Variants in MAOB observed in about 807,000 individuals in gnomAD.
MAOB encodes the protein amine oxidase [flavin-containing] B.
Under a neutral mutation model 41.9 loss-of-function variants are expected in MAOB, and 15 were observed. The ratio of observed to expected loss-of-function variants is 0.36; its 90% CI spans 0.24 to 0.55. The LOEUF (loss-of-function observed/expected upper bound fraction) is 0.55, where lower values mean the gene tolerates loss of function less well. Among genes scored for constraint, MAOB ranks in the 20% least tolerant of loss-of-function variants. The pLI, the probability that MAOB is intolerant of heterozygous loss-of-function variation, is 0.86. For synonymous variants in MAOB, 167 were observed against 144.2 expected, an observed-to-expected ratio of 1.16 and a Z score of -1.13; for missense variants, 345 against 398.7, an observed-to-expected ratio of 0.87 and a Z score of 1.15.
intron 3 of MAOB, among the ~76,000 whole-genome samples, chrX:43,833,850 T>C (rs2035044172): frequency 8.9e-6 from 1 of 111,837 alleles, no homozygotes; most frequent in African/African-American, 3.3e-5. Flanking sequence ...ATATCCTAAA[T>C]GTTGTTCCAA....
intron 1 of MAOB, among the ~76,000 whole-genome samples, chrX:43,880,205 A>C (rs1039431556): frequency 1.8e-5 from 2 of 112,195 alleles, no homozygotes; most frequent in African/African-American, 6.5e-5. Flanking sequence ...CAGGAAGTAA[A>C]TGTTCATTGA....
At chrX:43,782,533 C>T (rs1017977192) in intron 8 of MAOB, among the ~76,000 whole-genome samples, 23 of 111,404 alleles carry the variant, frequency 2.1e-4, no homozygotes, top group Admixed American at 1.5e-3. Flanking sequence ...CAAGACCAGA[C>T]GGATTCACAG....
chrX:43,795,464 A>G (rs2034516180), intron 7 of MAOB, among the ~76,000 whole-genome samples: 2 of 110,998 alleles, frequency 1.8e-5, no homozygotes, highest in Admixed American at 1.9e-4. Context: ...TGTAGGCACA[A>G]TTGATTAAAT....
At chrX:43,801,820 A>G (rs1196187075) in intron 5 of MAOB, among the ~76,000 whole-genome samples, 1 of 112,917 alleles carries the variant, frequency 8.9e-6, no homozygotes, top group Non-Finnish European at 1.9e-5. Context: ...TCCACATTTG[A>G]CCACCAGTGA....
chrX:43,791,960 T>C (rs1020652050), intron 8 of MAOB, among the ~76,000 whole-genome samples: 5 of 111,791 alleles, frequency 4.5e-5, no homozygotes, highest in Non-Finnish European at 9.4e-5. Context: ...TTGTTGAATA[T>C]GTGCAAGTGA....
chrX:43,843,639 A>G, intron 2 of MAOB, 31 bp downstream of exon 2: 1 of 1,189,029 alleles, frequency 8.4e-7, no homozygotes, highest in Non-Finnish European at 1.1e-6. Context: ...CTTCAGTCCC[A>G]CATTTGTCCT....
intron 3 of MAOB, among the ~76,000 whole-genome samples, chrX:43,811,124 TAGTG>T (rs2034741396): frequency 8.9e-6 from 1 of 111,972 alleles, no homozygotes; most frequent in South Asian, 3.8e-4. Context: ...AATTGTCACC[TAGTG>T]AGTGAGTGAG....
intron 3 of MAOB, among the ~76,000 whole-genome samples, chrX:43,810,648 C>T (rs944224120): frequency 9.0e-6 from 1 of 111,550 alleles, no homozygotes; most frequent in Non-Finnish European, 1.9e-5. Context: ...ACTAGAATCT[C>T]ATTAGAAGGA....
chrX:43,820,863 T>C (rs1388386241), intron 3 of MAOB, among the ~76,000 whole-genome samples: 2 of 112,589 alleles, frequency 1.8e-5, no homozygotes, highest in African/African-American at 6.4e-5. Context: ...CCCTACACTT[T>C]TCTTTCCACA....
At chrX:43,777,172 C>T (rs1312174970) in intron 11 of MAOB, among the ~76,000 whole-genome samples, 1 of 111,485 alleles carries the variant, frequency 9.0e-6, no homozygotes, top group East Asian at 2.8e-4. Flanking sequence ...CTAGAAATAT[C>T]ATTTGACCCA....
intron 5 of MAOB, among the ~76,000 whole-genome samples, chrX:43,799,433 C>T (rs1199189355): frequency 2.7e-5 from 3 of 111,529 alleles, no homozygotes; most frequent in Admixed American, 9.6e-5. Context: ...TAATAAATAA[C>T]TGAAACCTAA....
chrX:43,878,654 C>T (rs1392956348), intron 1 of MAOB, among the ~76,000 whole-genome samples: 1 of 111,351 alleles, frequency 9.0e-6, no homozygotes. Flanking sequence ...GTTACAGGAG[C>T]CCAGGGAAGT....
At chrX:43,803,072 C>A (rs949615869) in intron 4 of MAOB, among the ~76,000 whole-genome samples, 1 of 111,628 alleles carries the variant, frequency 9.0e-6, no homozygotes, top group Non-Finnish European at 1.9e-5. Flanking sequence ...TCCAAGAAGG[C>A]TGAGTGACAC....
At chrX:43,777,380 A>G (rs145078274) in intron 11 of MAOB, among the ~76,000 whole-genome samples, 101 of 110,836 alleles carry the variant, frequency 9.1e-4, no homozygotes, top group African/African-American at 3.2e-3. Flanking sequence ...TAATTGGTAT[A>G]TGAAAGCAAA....
rs545650706 is a variant in MAOB at position 43,848,535 on chromosome X, TTTTG to T, written c.47-4775_47-4772del. On this transcript the variant is annotated intron_variant, in intron 1 of 14. Transcript: ENST00000378069. ...TTTTTTTTTATGTTGTTGTTGTCATTTTTGTTTGTTTGTTTTAGTTTTGTTTTGT... is the reference window on the plus strand; with the variant it reads ...TTTTTTTTTATGTTGTTGTTGTCATTTTTGTTTGTTTTAGTTTTGTTTTGT... Among the ~76,000 whole-genome samples the T allele has an allele frequency of 5.4e-5, 6 of 110,845 alleles. No individual in the cohort carries two copies. In the South Asian group the frequency reaches 2.3e-3, roughly 42 times the overall value.
chrX:43,784,856 T>C (rs2034378955), intron 8 of MAOB, among the ~76,000 whole-genome samples: 1 of 112,481 alleles, frequency 8.9e-6, no homozygotes, highest in Admixed American at 9.4e-5. Flanking sequence ...ATTAAAAACC[T>C]GTTGTTTCCG....
chrX:43,873,230 A>G (rs1477759670), intron 1 of MAOB, among the ~76,000 whole-genome samples: 2 of 112,026 alleles, frequency 1.8e-5, no homozygotes, highest in African/African-American at 6.5e-5. Context: ...TCAATACACA[A>G]TTTAATACAC....
intron 1 of MAOB, among the ~76,000 whole-genome samples, chrX:43,855,424 A>G (rs747996810): frequency 2.1e-4 from 23 of 108,200 alleles, no homozygotes; most frequent in East Asian, 6.0e-4. Flanking sequence ...GTGTGTGTGT[A>G]TGTGTGTATG....
At position 43,788,142 on chromosome X, in the gene MAOB, G is replaced by A. The variant is rs780336872; in HGVS notation, c.928+5277C>T. On this transcript the variant is annotated intron_variant, in intron 8 of 14. Transcript: ENST00000378069. ...TGGCTGAAGGTGAAGAGGAGCTGGC[G>A]TGTGCAGATCACTTGGTGAGACGGG... Among the ~76,000 whole-genome samples, 5 of 111,343 alleles carry A rather than the reference G, an allele frequency of 4.5e-5. No homozygotes were observed. The East Asian group carries it at 1.1e-3, about 25-fold the overall frequency.
Sources: gnomAD v4.1 joint callset for allele counts (sites outside exome capture counted in the v4.1 genomes callset) on GRCh38, gnomAD v4.1.1 for gene constraint, MANE v1.5 for transcripts, NCBI Gene and HGNC (gene_info 2026-07-23, HGNC 2026-07-21) for gene names.